The following PRKCB variants were observed in gnomAD, a reference collection of about 807,000 sequenced individuals.
The protein encoded by PRKCB is protein kinase C beta type.
PRKCB carries 13 observed loss-of-function variants against 81.5 expected under a neutral mutation model. The observed-to-expected ratio is 0.16, with a 90% CI of 0.10 to 0.25. The LOEUF (loss-of-function observed/expected upper bound fraction) is 0.25. Among genes scored for constraint, PRKCB ranks in the 10% least tolerant of loss-of-function variants. The pLI, the probability that PRKCB is intolerant of heterozygous loss-of-function variation, is 1.00. For missense variants in PRKCB, 509 were observed against 875.7 expected, an observed-to-expected ratio of 0.58 and a Z score of 5.29; for synonymous variants, 335 against 321.4, an observed-to-expected ratio of 1.04 and a Z score of -0.45.
intron 9 of PRKCB, among the ~76,000 whole-genome samples, chr16:24,145,398 T>G (rs183111969): frequency 1.7e-4 from 26 of 151,948 alleles, no homozygotes; most frequent in African/African-American, 5.6e-4. Context: ...GGCAACAGAG[T>G]GAGACCTAAT....
intron 2 of PRKCB, among the ~76,000 whole-genome samples, chr16:23,949,640 A>G (rs75670594): frequency 0.024 from 3,583 of 152,300 alleles, 144 homozygotes; most frequent in African/African-American, 0.082. Flanking sequence ...TGCCACTTAC[A>G]GTTCTAAGTG....
chr16:23,952,132 GA>G (rs1964292370), intron 2 of PRKCB, among the ~76,000 whole-genome samples: 1 of 152,196 alleles, frequency 6.6e-6, no homozygotes, highest in Admixed American at 6.5e-5. Context: ...GGGAATGAAT[GA>G]AAAAGCCCTG....
intron 2 of PRKCB, among the ~76,000 whole-genome samples, chr16:23,911,153 T>TTTTTTTTTTTTTTTTTTTTTA (rs57965434): frequency 7.1e-6 from 1 of 140,836 alleles, no homozygotes. Context: ...TTTTTTTTTT[T>TTTTTTTTTTTTTTTTTTTTTA]GAGACAAGGT....
chr16:24,213,780 C>A (rs1451717377), intron 16 of PRKCB, among the ~76,000 whole-genome samples: 1 of 152,208 alleles, frequency 6.6e-6, no homozygotes, highest in African/African-American at 2.4e-5. Context: ...CAGGTGTGAG[C>A]ACCCATGCAT....
chr16:24,147,104 T>G (rs911541767), intron 9 of PRKCB, among the ~76,000 whole-genome samples: 1 of 151,526 alleles, frequency 6.6e-6, no homozygotes, highest in Non-Finnish European at 1.5e-5. Context: ...GTCAGGAGAT[T>G]GAGACCATCC....
intron 2 of PRKCB, among the ~76,000 whole-genome samples, chr16:23,927,347 A>G (rs1567316249): frequency 6.6e-6 from 1 of 152,048 alleles, no homozygotes; most frequent in Non-Finnish European, 1.5e-5. Context: ...AATGAAGGGC[A>G]TGTTTGTGTA....
intron 5 of PRKCB, among the ~76,000 whole-genome samples, chr16:24,069,950 G>A (rs924392279): frequency 2.4e-4 from 36 of 152,126 alleles, no homozygotes; most frequent in African/African-American, 8.7e-4. Context: ...TTCCTTCAGT[G>A]TGTGGCTCAC....
At chr16:24,127,785 G>T (rs1390644988) in intron 9 of PRKCB, among the ~76,000 whole-genome samples, 1 of 152,222 alleles carries the variant, frequency 6.6e-6, no homozygotes, top group Non-Finnish European at 1.5e-5. Context: ...ACAACAGTAA[G>T]TCATGAAAGC....
At chr16:23,938,216 C>T (rs1964088387) in intron 2 of PRKCB, among the ~76,000 whole-genome samples, 1 of 152,164 alleles carries the variant, frequency 6.6e-6, no homozygotes, top group Admixed American at 6.6e-5. Flanking sequence ...GACAATGCAG[C>T]TGCGTTTACA....
intron 16 of PRKCB, among the ~76,000 whole-genome samples, chr16:24,197,509 G>T: frequency 6.6e-6 from 1 of 151,872 alleles, no homozygotes; most frequent in East Asian, 1.9e-4. Flanking sequence ...GGAAAAGGGG[G>T]TGTGAGATCA....
In PRKCB at chr16:24,219,984, C is replaced by T. The variant is rs771315885; in HGVS notation, c.*5168C>T. 6.2e-7 allele frequency: 1 copy of T among 1,614,150 alleles called. No individual in the cohort carries two copies. Among genetic ancestry groups the T allele is most frequent in the South Asian group, 1.1e-5 (1 of 91,084 alleles). ...AGAGAGACAAGAGAGACACCTCCAACTTCGACAAAGAGTTCACCAGACAGC... is the reference window on the plus strand; with the variant it reads ...AGAGAGACAAGAGAGACACCTCCAATTTCGACAAAGAGTTCACCAGACAGC... On this transcript the variant is annotated 3_prime_UTR_variant, in exon 17 of 17. Coordinates refer to ENST00000643927, the MANE Select transcript of PRKCB (RefSeq NM_002738.7).
rs1242882006 is a variant in PRKCB, at chr16:23,836,175, G to C, written c.-1G>C. ...TCGGGCTCCGGCTCCCCGCGCGCAA[G>C]ATGGCTGACCCGGCTGCGGGGCCGC... On this transcript the variant is annotated 5_prime_UTR_variant, in exon 1 of 17. Coordinates refer to ENST00000643927, the MANE Select transcript of PRKCB (RefSeq NM_002738.7). The C allele has an allele frequency of 6.5e-7, 1 of 1,548,444 alleles. No homozygotes were observed. Among genetic ancestry groups the C allele is most frequent in the Admixed American group, 2.0e-5 (1 of 50,222 alleles).
At chr16:24,143,187 C>T (rs1247143201) in intron 9 of PRKCB, among the ~76,000 whole-genome samples, 3 of 152,032 alleles carry the variant, frequency 2.0e-5, no homozygotes, top group Non-Finnish European at 4.4e-5. Flanking sequence ...GTCTGGTGTG[C>T]AGTGGCATGA....
chr16:24,093,219 G>C (rs967952647), intron 6 of PRKCB, among the ~76,000 whole-genome samples: 1 of 152,184 alleles, frequency 6.6e-6, no homozygotes, highest in Non-Finnish European at 1.5e-5. Flanking sequence ...GAAATGGTGT[G>C]ATGTGTTGCT....
chr16:24,120,961 G>A (rs1380454951), intron 8 of PRKCB, among the ~76,000 whole-genome samples: 1 of 152,098 alleles, frequency 6.6e-6, no homozygotes, highest in Non-Finnish European at 1.5e-5. Flanking sequence ...CGTGCTGGGG[G>A]GTCTCCTCTC....
intron 15 of PRKCB, among the ~76,000 whole-genome samples, chr16:24,190,747 G>T (rs1019051223): frequency 4.6e-5 from 7 of 152,006 alleles, no homozygotes; most frequent in Non-Finnish European, 7.4e-5. Context: ...TCAATCTCTT[G>T]ACCTTGTGAT....
intron 16 of PRKCB, among the ~76,000 whole-genome samples, chr16:24,205,210 G>C (rs1968026669): frequency 6.8e-6 from 1 of 146,928 alleles, no homozygotes; most frequent in Non-Finnish European, 1.5e-5. Context: ...AAGTGAAGTG[G>C]AACAGTCATA....
At chr16:24,148,536 G>T (rs1249927547) in intron 9 of PRKCB, among the ~76,000 whole-genome samples, 2 of 152,126 alleles carry the variant, frequency 1.3e-5, no homozygotes, top group Admixed American at 6.6e-5. Flanking sequence ...CATTTGGAAG[G>T]CCCAATGAAT....
Position 24,185,145 on chromosome 16 carries a change from A to G in PRKCB, c.1568A>G (p.Asp523Gly). Residue 523 changes from aspartate to glycine, a missense_variant, in exon 14 of 17, where the codon GAT (aspartate) becomes GGT (glycine). This residue lies in a region of PRKCB where 106 missense variants were observed against 214.0 expected (regional missense o/e 0.50). Coordinates refer to ENST00000643927, the MANE Select transcript of PRKCB (RefSeq NM_002738.7). ...IAYQPYGKSV[D>G]WWAFGVLLYE... is the part of the protein sequence containing the mutation. Reference sequence around the variant, plus strand: ...TATCAGCCCTATGGGAAGTCCGTGGATTGGTGGGCATTTGGAGTCCTGCTG... The same window carrying G: ...TATCAGCCCTATGGGAAGTCCGTGGGTTGGTGGGCATTTGGAGTCCTGCTG... 6.2e-7 allele frequency: 1 copy of G among 1,614,054 alleles called. No homozygotes were observed. The highest frequency in any genetic ancestry group is 8.5e-7 in the Non-Finnish European group (1 of 1,179,978).
Sources: allele counts gnomAD v4.1 joint callset (sites outside exome capture counted in the v4.1 genomes callset), GRCh38; gene constraint gnomAD v4.1.1; regional missense constraint gnomAD v4.1.1; transcripts MANE v1.5; gene names NCBI Gene and HGNC (gene_info 2026-07-23, HGNC 2026-07-21).